KCTD14: variants seen among roughly 807,000 people sequenced by gnomAD.
KCTD14 encodes potassium channel tetramerization domain containing 14.
A neutral mutation model predicts 5.9 loss-of-function variants in KCTD14; 7 were observed. The observed-to-expected ratio is 1.19, with a 90% confidence interval of 0.68 to 2.23. KCTD14 has a LOEUF of 2.23. Among genes scored for constraint, KCTD14 ranks in the 30% most tolerant of loss-of-function variants. The pLI is 0.00. For synonymous variants in KCTD14, 140 were observed against 133.1 expected, an observed-to-expected ratio of 1.05 and a Z score of -0.36; for missense variants, 342 against 332.2, an observed-to-expected ratio of 1.03 and a Z score of -0.23.
intron 2 of KCTD14, among the ~76,000 whole-genome samples, chr11:78,031,839 T>C (rs943722036): frequency 3.9e-5 from 6 of 152,190 alleles, no homozygotes; most frequent in African/African-American, 7.2e-5. Flanking sequence ...CAGAAATGAA[T>C]ATCTGGTTTC....
At chr11:78,038,388 T>C (rs1391186494) in intron 2 of KCTD14, among the ~76,000 whole-genome samples, 1 of 152,206 alleles carries the variant, frequency 6.6e-6, no homozygotes, top group East Asian at 1.9e-4. Context: ...GCAGGGCCAA[T>C]TTTCTGGTGC....
chr11:78,032,557 C>A (rs918432074), intron 2 of KCTD14, among the ~76,000 whole-genome samples: 2 of 152,198 alleles, frequency 1.3e-5, no homozygotes, highest in Non-Finnish European at 2.9e-5. Flanking sequence ...TTTTGCTAAA[C>A]CACGATTCAA....
At chr11:78,021,146 T>C (rs1857292824) in intron 1 of KCTD14, among the ~76,000 whole-genome samples, 1 of 151,550 alleles carries the variant, frequency 6.6e-6, no homozygotes. Context: ...CTACTAAAAA[T>C]ACAAAAAATT....
upstream of KCTD14, among the ~76,000 whole-genome samples, chr11:78,025,118 GTA>G (rs369374652): frequency 6.3e-3 from 279 of 44,404 alleles, 1 homozygote; most frequent in Middle Eastern, 0.014. Context: ...GTGTGTGTGT[GTA>G]TATATATATA....
In KCTD14 at chr11:78,033,508, C is replaced by A. The variant is rs189925314; in HGVS notation, c.-1+5156G>T. Reference sequence around the variant, plus strand: ...ACCAGCCTGGCCAACATGGTGAAACCCTGTCTCTACTAAAAATACAAAAAT... The same window carrying A: ...ACCAGCCTGGCCAACATGGTGAAACACTGTCTCTACTAAAAATACAAAAAT... On this transcript the variant is annotated intron_variant, in intron 2 of 2. Transcript: ENST00000533144. 2.0e-5 allele frequency among the ~76,000 whole-genome samples: 3 copies of A among 152,014 alleles called. No individual in the cohort carries two copies. The East Asian group carries it at 5.8e-4, about 30-fold the overall frequency.
At chr11:78,020,108 G>C (rs562506664) in intron 1 of KCTD14, among the ~76,000 whole-genome samples, 1 of 152,286 alleles carries the variant, frequency 6.6e-6, no homozygotes, top group Non-Finnish European at 1.5e-5. Flanking sequence ...GTGCTGAGAG[G>C]GAAGACTGAA....
At chr11:78,019,030 T>TC (rs1262569151) in intron 1 of KCTD14, among the ~76,000 whole-genome samples, 3 of 151,004 alleles carry the variant, frequency 2.0e-5, no homozygotes, top group African/African-American at 4.9e-5. Flanking sequence ...TCTTTTCTTT[T>TC]TTTTTTTTTT....
rs561739183 is a variant in KCTD14 at position 78,016,789 on chromosome 11, T to C, written c.572A>G (p.Asp191Gly). 2 of 1,614,136 alleles carry C rather than the reference T, an allele frequency of 1.2e-6. No individual in the cohort carries two copies. Among genetic ancestry groups the C allele is most frequent in the South Asian group, 2.2e-5 (2 of 91,080 alleles). Residue 191 changes from aspartate to glycine, a missense_variant, in exon 2 of 2, where the codon GAT becomes GGT. Transcript: ENST00000353172. Reference protein sequence around the residue: ...YYSEVLCFLQDKKMFKSVVKF... With the variant: ...YYSEVLCFLQGKKMFKSVVKF... ...GACAACAGACTTGAACATCTTCTTATCCTGCAGAAAACACAGGACCTCTGA... is the reference window on the plus strand; with the variant it reads ...GACAACAGACTTGAACATCTTCTTACCCTGCAGAAAACACAGGACCTCTGA...
At chr11:78,024,782 C>A (rs1857405246), upstream of KCTD14, among the ~76,000 whole-genome samples, 1 of 151,340 alleles carries the variant, frequency 6.6e-6, no homozygotes, top group African/African-American at 2.4e-5. Flanking sequence ...CCCATCTCTA[C>A]AAAATACAAA....
upstream of KCTD14, among the ~76,000 whole-genome samples, chr11:78,026,846 C>T (rs2136724314): frequency 6.6e-6 from 1 of 152,098 alleles, no homozygotes; most frequent in South Asian, 2.1e-4. Flanking sequence ...CACCTGTAAT[C>T]CCAGCACTTT....
chr11:78,027,025 G>A (rs992505662), upstream of KCTD14, among the ~76,000 whole-genome samples: 3 of 152,212 alleles, frequency 2.0e-5, no homozygotes, highest in Admixed American at 6.5e-5. Context: ...CTTGAACCTG[G>A]GAGGTGGAGG....
At chr11:78,046,100 A>G in exon 1 of KCTD14, 1 of 985,382 alleles carries the variant, frequency 1.0e-6, no homozygotes, top group Non-Finnish European at 1.2e-6. Context: ...AAAGCGAGTG[A>G]TCTGCCGAGA....
At chr11:78,028,821 G>C (rs1347830855) in intron 2 of KCTD14, among the ~76,000 whole-genome samples, 1 of 152,072 alleles carries the variant, frequency 6.6e-6, no homozygotes, top group Non-Finnish European at 1.5e-5. Flanking sequence ...CACGTGTGTA[G>C]TCACAGCTAT....
intron 2 of KCTD14, among the ~76,000 whole-genome samples, chr11:78,034,696 C>T (rs1029163264): frequency 3.3e-5 from 5 of 152,014 alleles, no homozygotes; most frequent in African/African-American, 1.2e-4. Context: ...GGACAGCCCA[C>T]GTGTTTTCAA....
rs35894571 is a variant in KCTD14, at chr11:78,039,362, C to CA, written c.-95-605dup. Among the ~76,000 whole-genome samples the CA allele has an allele frequency of 9.4e-3, 1,250 of 133,056 alleles. 19 individuals are homozygous for CA. Among genetic ancestry groups the CA allele is most frequent in the Non-Finnish European group, 0.011 (707 of 64,074 alleles). The allele number at this position is 133,056 out of a possible 152,430, so 87.3% of individuals were successfully genotyped here. ...AGAGATCCCATCTCTACAAAAAATACAAAAAAAATAAATAAAATTAGCCAG... is the reference window on the plus strand; with the variant it reads ...AGAGATCCCATCTCTACAAAAAATACAAAAAAAAATAAATAAAATTAGCCAG... On this transcript the variant is annotated intron_variant, in intron 1 of 2. Coordinates refer to the KCTD14 transcript ENST00000533144.
chr11:78,035,184 T>G (rs1300070550), intron 2 of KCTD14, among the ~76,000 whole-genome samples: 2 of 152,174 alleles, frequency 1.3e-5, no homozygotes, highest in Non-Finnish European at 2.9e-5. Context: ...GCTGTAACTC[T>G]TCTACCTGTC....
intron 1 of KCTD14, chr11:78,045,950 G>T: frequency 4.5e-6 from 1 of 222,246 alleles, no homozygotes; most frequent in Non-Finnish European, 7.6e-6. Context: ...TGAGGACGCA[G>T]GGAGGCTGCC....
Position 78,017,032 on chromosome 11 carries a change from G to A in KCTD14, c.329C>T (p.Ala110Val). The change falls in exon 2 of 2, where the codon GCT becomes GTT. Residue 110 changes from alanine (A) to valine (V), a missense_variant. Ala to Val is a moderately conservative substitution (Grantham distance 64). Coordinates refer to ENST00000353172, the MANE Select transcript of KCTD14 (RefSeq NM_023930.4). ...CAAAGGCTTGATTTCGTAGAACTGAGCCTCACGGTACACTTCAGGGATGTG... is the reference window on the plus strand; with the variant it reads ...CAAAGGCTTGATTTCGTAGAACTGAACCTCACGGTACACTTCAGGGATGTG... ...TQHIPEVYRE[A>V]QFYEIKPLVK... The A allele has an allele frequency of 6.2e-7, 1 of 1,614,252 alleles. No individual in the cohort carries two copies. The highest frequency in any genetic ancestry group is 8.5e-7 in the Non-Finnish European group (1 of 1,180,048).
At chr11:78,029,676 C>T (rs1237896592) in intron 2 of KCTD14, among the ~76,000 whole-genome samples, 1 of 152,038 alleles carries the variant, frequency 6.6e-6, no homozygotes. Flanking sequence ...TATGGTTGGC[C>T]TGATTATTTG....
Sources: gnomAD v4.1 joint callset for allele counts (sites outside exome capture counted in the v4.1 genomes callset) on GRCh38, gnomAD v4.1.1 for gene constraint, MANE v1.5 for transcripts, NCBI Gene and HGNC (gene_info 2026-07-23, HGNC 2026-07-21) for gene names.